PRKCB: variants seen among roughly 807,000 people sequenced by gnomAD.
PRKCB encodes the protein protein kinase C beta, also known as protein kinase C beta type.
In PRKCB, 13 loss-of-function variants were observed where a neutral mutation model predicts 81.5. The ratio of observed to expected loss-of-function variants is 0.16; its 90% CI spans 0.10 to 0.25. The LOEUF is 0.25. PRKCB is among the 10% of genes least tolerant of loss of function. The pLI is 1.00. For synonymous variants in PRKCB, 335 were observed against 321.4 expected, an observed-to-expected ratio of 1.04 and a Z score of -0.45; for missense variants, 509 against 875.7, an observed-to-expected ratio of 0.58 and a Z score of 5.29.
intron 5 of PRKCB, among the ~76,000 whole-genome samples, chr16:24,037,844 G>A (rs143288431): frequency 6.6e-6 from 1 of 150,444 alleles, no homozygotes; most frequent in East Asian, 1.9e-4. Flanking sequence ...AAACTGGGTG[G>A]CTTAAGACAA....
At chr16:23,854,551 G>A (rs1962530392) in intron 2 of PRKCB, among the ~76,000 whole-genome samples, 1 of 152,124 alleles carries the variant, frequency 6.6e-6, no homozygotes, top group Non-Finnish European at 1.5e-5. Context: ...CTTCCAGTGG[G>A]CTATCCTGAG....
intron 5 of PRKCB, among the ~76,000 whole-genome samples, chr16:24,084,904 G>T (rs1966293179): frequency 6.6e-6 from 1 of 152,098 alleles, no homozygotes; most frequent in Non-Finnish European, 1.5e-5. Context: ...GTATATAGTG[G>T]CATGAAGCCC....
intron 9 of PRKCB, among the ~76,000 whole-genome samples, chr16:24,146,478 A>G (rs769543601): frequency 1.7e-4 from 26 of 152,212 alleles, no homozygotes; most frequent in Non-Finnish European, 2.8e-4. Flanking sequence ...TTCAGAAAAC[A>G]GTGAATTTCT....
chr16:23,932,319 G>C (rs1963989738), intron 2 of PRKCB, among the ~76,000 whole-genome samples: 1 of 152,202 alleles, frequency 6.6e-6, no homozygotes, highest in East Asian at 1.9e-4. Context: ...TGGGATAATG[G>C]AATTGTGGTT....
chr16:24,194,361 CAA>C (rs568973066), intron 16 of PRKCB, among the ~76,000 whole-genome samples: 1 of 147,466 alleles, frequency 6.8e-6, no homozygotes, highest in African/African-American at 2.5e-5. Flanking sequence ...CAAAAAACAA[CAA>C]AAAAAAAACC....
At chr16:24,164,424 A>T (rs910087447) in intron 10 of PRKCB, among the ~76,000 whole-genome samples, 9 of 152,230 alleles carry the variant, frequency 5.9e-5, no homozygotes, top group African/African-American at 2.2e-4. Flanking sequence ...ATTTTAAATT[A>T]CCTGAAGGCA....
chr16:24,144,111 CA>C, intron 9 of PRKCB, among the ~76,000 whole-genome samples: 1 of 147,684 alleles, frequency 6.8e-6, no homozygotes, highest in African/African-American at 2.5e-5. Context: ...TTCCAGGAAG[CA>C]GAAAGAGAAA....
chr16:24,128,605 G>T (rs1050434045), intron 9 of PRKCB, among the ~76,000 whole-genome samples: 1 of 152,216 alleles, frequency 6.6e-6, no homozygotes, highest in Non-Finnish European at 1.5e-5. Flanking sequence ...TCTTACCAAA[G>T]CAGGGCCTGT....
chr16:23,930,107 G>A (rs1376738437), intron 2 of PRKCB, among the ~76,000 whole-genome samples: 3 of 152,104 alleles, frequency 2.0e-5, no homozygotes, highest in Non-Finnish European at 4.4e-5. Flanking sequence ...GCCAGCTGTT[G>A]TCTTTTGGAA....
intron 2 of PRKCB, among the ~76,000 whole-genome samples, chr16:23,986,500 C>T (rs537498271): frequency 2.0e-5 from 3 of 152,282 alleles, no homozygotes; most frequent in South Asian, 2.1e-4. Flanking sequence ...GATCCTCCTG[C>T]CTTGGTGTCC....
chr16:24,151,109 C>A (rs1346766815), intron 9 of PRKCB, among the ~76,000 whole-genome samples: 1 of 152,150 alleles, frequency 6.6e-6, no homozygotes, highest in Non-Finnish European at 1.5e-5. Flanking sequence ...AAAATTAAAT[C>A]ACGTTATGAT....
At chr16:23,900,918 G>A (rs1009293797) in intron 2 of PRKCB, among the ~76,000 whole-genome samples, 9 of 151,922 alleles carry the variant, frequency 5.9e-5, no homozygotes, top group Admixed American at 2.6e-4. Context: ...AAGATGGCAT[G>A]TGCATTTTAA....
At chr16:23,978,453 A>G (rs1423203436) in intron 2 of PRKCB, among the ~76,000 whole-genome samples, 1 of 152,188 alleles carries the variant, frequency 6.6e-6, no homozygotes, top group African/African-American at 2.4e-5. Context: ...GGAATGTGCC[A>G]TTTCTATTCC....
At chr16:23,990,009 G>A (rs1383576850) in intron 3 of PRKCB, among the ~76,000 whole-genome samples, 3 of 152,122 alleles carry the variant, frequency 2.0e-5, no homozygotes, top group Non-Finnish European at 4.4e-5. Context: ...GCTTGGAGTT[G>A]TGGCAGCCCT....
At chr16:24,046,370 A>C (rs570587225) in intron 5 of PRKCB, among the ~76,000 whole-genome samples, 3 of 152,344 alleles carry the variant, frequency 2.0e-5, no homozygotes, top group African/African-American at 7.2e-5. Context: ...CCCTGTGCTC[A>C]TGGCCTCTGC....
At chr16:23,884,648 C>T (rs915469793) in intron 2 of PRKCB, among the ~76,000 whole-genome samples, 1 of 152,190 alleles carries the variant, frequency 6.6e-6, no homozygotes, top group Non-Finnish European at 1.5e-5. Context: ...AATCCTCCCA[C>T]CTCAGCCTCC....
intron 2 of PRKCB, chr16:23,893,216 G>A (rs1963321498): frequency 6.6e-6 from 1 of 152,270 alleles, no homozygotes; most frequent in African/African-American, 2.4e-5. Context: ...GAGGCAGCAG[G>A]AGCAGAATGA....
chr16:23,890,470 C>T (rs142821765), intron 2 of PRKCB, among the ~76,000 whole-genome samples: 11 of 152,226 alleles, frequency 7.2e-5, no homozygotes, highest in South Asian at 4.1e-4. Flanking sequence ...CAAGGAGAGA[C>T]GCTCCCTGGG....
rs1440700645 is a variant in PRKCB at position 23,881,962 on chromosome 16, T to TTTCC, written c.205+44559_205+44562dup. On this transcript the variant is annotated intron_variant, in intron 2 of 16. Coordinates refer to ENST00000643927, the MANE Select transcript of PRKCB (RefSeq NM_002738.7). ...ATGGCTGGTTTCTTCCTTTTTTTCT[T>TTTCC]TTCCTTTCTTTCTTTCTTTCTTTCT... Among the ~76,000 whole-genome samples, 7 of 144,886 alleles carry TTTCC rather than the reference T, an allele frequency of 4.8e-5. No individual in the cohort carries two copies. In the East Asian group the frequency reaches 8.4e-4, roughly 17 times the overall value.
Sources: allele counts gnomAD v4.1 joint callset (sites outside exome capture counted in the v4.1 genomes callset), GRCh38; gene constraint gnomAD v4.1.1; transcripts MANE v1.5; gene names NCBI Gene and HGNC (gene_info 2026-07-23, HGNC 2026-07-21).